AHR: variants seen among roughly 807,000 people sequenced by gnomAD.
AHR encodes AH-receptor.
Under a neutral mutation model 86.8 loss-of-function variants are expected in AHR, and 40 were observed. The observed-to-expected ratio is 0.46, with a 90% CI of 0.36 to 0.60. AHR has a LOEUF of 0.60. Ranked by LOEUF, AHR falls within the 20% of genes least tolerant of loss-of-function variation. AHR has a pLI of 0.00. For synonymous variants in AHR, 398 were observed against 354.9 expected, an observed-to-expected ratio of 1.12 and a Z score of -1.37; for missense variants, 1,001 against 1,011.6, an observed-to-expected ratio of 0.99 and a Z score of 0.14.
rs41273054 is a variant in AHR, at chr7:17,310,020, G to A, written c.150G>A (p.Leu50=). The part of the protein sequence containing the change: ...RDRLNTELDR[L]ASLLPFPQDV... ...GACTTAATACAGAGTTGGACCGTTT[G>A]GCTAGCCTGCTGCCTTTCCCACAAG... is the stretch of plus-strand genomic sequence containing the variant. The change falls in exon 2 of 11, where the codon TTG becomes TTA. Residue 50 remains leucine, a synonymous_variant. Coordinates refer to ENST00000242057, the MANE Select transcript of AHR (RefSeq NM_001621.5). 1.5e-5 allele frequency: 24 copies of A among 1,613,828 alleles called. No homozygotes were observed. Among genetic ancestry groups the A allele is most frequent in the Middle Eastern group, 3.3e-4 (2 of 6,082 alleles).
chr7:17,323,318 AAT>A (rs886356313), intron 3 of AHR, among the ~76,000 whole-genome samples: 15 of 152,130 alleles, frequency 9.9e-5, no homozygotes, highest in African/African-American at 3.4e-4. Flanking sequence ...TCATTTTGCC[AAT>A]ATGTTATAAC....
chr7:17,321,590 CACAT>C (rs1029927264), intron 2 of AHR, among the ~76,000 whole-genome samples: 1 of 122,402 alleles, frequency 8.2e-6, no homozygotes. Flanking sequence ...ACATACCACA[CACAT>C]ACACACACAC....
At chr7:17,305,835 CAT>C (rs1782000296) in intron 1 of AHR, among the ~76,000 whole-genome samples, 1 of 152,102 alleles carries the variant, frequency 6.6e-6, no homozygotes, top group Admixed American at 6.6e-5. Context: ...TGATGAACCT[CAT>C]AGACTTTTTT....
rs778856761 is a variant in AHR, at chr7:17,339,645, T to C, written c.1820T>C (p.Leu607Pro). The change falls in exon 10 of 11, where the codon CTG (leucine) becomes CCG (proline). Residue 607 changes from leucine (L) to proline (P), a missense_variant. By Grantham distance (98) the Leu-to-Pro change is moderately conservative (BLOSUM62 -3). This residue lies in a region of AHR where 607 missense variants were observed against 543.1 expected (regional missense o/e 1.12). Transcript: ENST00000242057. ...TATCAACAGCAACAGTCCTTGGCTC[T>C]GAACTCAAGCTGTATGGTACAGGAA... ...SDYQQQQSLA[L>P]NSSCMVQEHL... 178 of 1,614,010 alleles carry C rather than the reference T, an allele frequency of 1.1e-4. No individual in the cohort carries two copies. Among genetic ancestry groups the C allele is most frequent in the Admixed American group, 6.5e-4 (39 of 60,008 alleles).
chr7:17,310,603 T>C (rs867622478), intron 2 of AHR, among the ~76,000 whole-genome samples: 5 of 151,908 alleles, frequency 3.3e-5, no homozygotes, highest in Middle Eastern at 6.8e-3. Context: ...GACACGATCT[T>C]GGCTCACTGC....
intron 9 of AHR, 85 bp from the exon 10 acceptor site, chr7:17,338,901 C>T: frequency 1.6e-6 from 2 of 1,282,698 alleles, no homozygotes; most frequent in Non-Finnish European, 2.1e-6. Flanking sequence ...ATGTATTTTG[C>T]TTTATGTTTT....
chr7:17,307,737 C>G lies in AHR; in HGVS notation c.66-2199C>G, dbSNP rs144349931. ...AGTTCCTGGCATCCCGGAATCCTAACTTCAGCGAACCCTGCCCTGCTTTCT... is the reference window on the plus strand; with the variant it reads ...AGTTCCTGGCATCCCGGAATCCTAAGTTCAGCGAACCCTGCCCTGCTTTCT... On this transcript the variant is annotated intron_variant, in intron 1 of 10. Coordinates refer to ENST00000242057, the MANE Select transcript of AHR (RefSeq NM_001621.5). 6.3e-3 allele frequency among the ~76,000 whole-genome samples: 953 copies of G among 152,286 alleles called. 12 individuals are homozygous for G. Among genetic ancestry groups the G allele is most frequent in the African/African-American group, 0.022 (907 of 41,560 alleles).
intron 6 of AHR, 109 bp downstream of exon 6, chr7:17,330,995 G>A: frequency 8.2e-7 from 1 of 1,218,118 alleles, no homozygotes; most frequent in Non-Finnish European, 1.1e-6. Context: ...TCCCAAATCA[G>A]GCAACCCTCA....
At chr7:17,342,793 C>T in intron 10 of AHR, 128 bp from the exon 11 acceptor site, 1 of 835,392 alleles carries the variant, frequency 1.2e-6, no homozygotes, top group Non-Finnish European at 1.9e-6. Flanking sequence ...AATTTAGCAA[C>T]AGTAAAGGAA....
At chr7:17,317,854 G>A (rs1782131581) in intron 2 of AHR, among the ~76,000 whole-genome samples, 1 of 152,084 alleles carries the variant, frequency 6.6e-6, no homozygotes, top group Admixed American at 6.6e-5. Flanking sequence ...GAAAAGCTAA[G>A]TGCAACTCAT....
At position 17,339,413 on chromosome 7, in the gene AHR, C is replaced by T. The variant is rs761891341; in HGVS notation, c.1588C>T (p.Leu530Phe). ...CTCATTTGCTGGAGGTCACCCAGGGCTCTTTCAAGATAGTAAAAACAGTGA... is the reference window on the plus strand; with the variant it reads ...CTCATTTGCTGGAGGTCACCCAGGGTTCTTTCAAGATAGTAAAAACAGTGA... ...VNSFAGGHPG[L>F]FQDSKNSDLY... is the part of the protein sequence containing the mutation. Residue 530 changes from leucine to phenylalanine, a missense_variant, in exon 10 of 11, where the codon CTC (leucine) becomes TTC (phenylalanine). Physicochemically the swap from Leu to Phe is conservative, Grantham distance 22. Coordinates refer to ENST00000242057, the MANE Select transcript of AHR (RefSeq NM_001621.5). 2.5e-6 allele frequency: 4 copies of T among 1,614,062 alleles called. No homozygotes were observed. Among genetic ancestry groups the T allele is most frequent in the East Asian group, 4.5e-5 (2 of 44,894 alleles).
chr7:17,320,072 A>G (rs1019672598), intron 2 of AHR, among the ~76,000 whole-genome samples: 4 of 152,118 alleles, frequency 2.6e-5, no homozygotes, highest in African/African-American at 9.6e-5. Context: ...AGTTACACAT[A>G]TTATCTATCA....
At chr7:17,316,033 G>A (rs1404911607) in intron 2 of AHR, among the ~76,000 whole-genome samples, 1 of 152,120 alleles carries the variant, frequency 6.6e-6, no homozygotes. Context: ...AGGATGAGCA[G>A]GGGTAGTAAA....
chr7:17,306,726 C>A (rs79856052), intron 1 of AHR, among the ~76,000 whole-genome samples: 2 of 152,174 alleles, frequency 1.3e-5, no homozygotes, highest in Non-Finnish European at 2.9e-5. Context: ...CCTCTCCTCA[C>A]TCAATGGTTT....
rs577611601 is a variant in AHR, at chr7:17,314,584, G to C, written c.253+4461G>C. On this transcript the variant is annotated intron_variant, in intron 2 of 10. Transcript: ENST00000242057. ...TATTGTGTTTATTCATCTTCAGCTT[G>C]TGCATTTCTCTGAATTTCAGTTGTT... Among the ~76,000 whole-genome samples the C allele has an allele frequency of 6.6e-5, 10 of 152,076 alleles. No individual in the cohort carries two copies. The South Asian group carries it at 2.1e-3, about 32-fold the overall frequency.
intron 7 of AHR, 82 bp downstream of exon 7, chr7:17,334,196 T>G: frequency 4.9e-6 from 6 of 1,220,102 alleles, no homozygotes; most frequent in Non-Finnish European, 7.1e-6. Context: ...AAACATACAG[T>G]GTATGTAATA....
chr7:17,322,238 A>G (rs1445576301), intron 2 of AHR, among the ~76,000 whole-genome samples: 1 of 152,014 alleles, frequency 6.6e-6, no homozygotes. Flanking sequence ...TCGTGAACTC[A>G]TCAAAAATTA....
At chr7:17,333,504 A>G (rs1169302927) in intron 6 of AHR, among the ~76,000 whole-genome samples, 1 of 151,996 alleles carries the variant, frequency 6.6e-6, no homozygotes, top group Non-Finnish European at 1.5e-5. Flanking sequence ...ACTATGCAGT[A>G]TGCTATGAGC....
intron 5 of AHR, 95 bp downstream of exon 5, chr7:17,330,170 A>C: frequency 8.3e-7 from 1 of 1,203,714 alleles, no homozygotes; most frequent in Non-Finnish European, 1.2e-6. Context: ...GAACTCCATG[A>C]TAGGGAAGTA....
Sources: gnomAD v4.1 joint callset for allele counts (sites outside exome capture counted in the v4.1 genomes callset) on GRCh38, gnomAD v4.1.1 for gene constraint, gnomAD v4.1.1 regional missense constraint, MANE v1.5 for transcripts, NCBI Gene and HGNC (gene_info 2026-07-23, HGNC 2026-07-21) for gene names.